MCM9: variants seen among roughly 807,000 people sequenced by gnomAD.
The protein encoded by MCM9 is DNA helicase MCM9.
Under a neutral mutation model 72.8 loss-of-function variants are expected in MCM9, and 55 were observed. That is an observed-to-expected ratio of 0.76 (90% CI 0.61 to 0.95). The LOEUF (loss-of-function observed/expected upper bound fraction) is 0.95, where lower values mean the gene tolerates loss of function less well. Among genes scored for constraint, MCM9 ranks in the 40% least tolerant of loss-of-function variants. The pLI is 0.00. For missense variants in MCM9, 1,279 were observed against 1,377.0 expected, an observed-to-expected ratio of 0.93 and a Z score of 1.13; for synonymous variants, 480 against 503.4, an observed-to-expected ratio of 0.95 and a Z score of 0.62.
chr6:118,932,174 G>A (rs1018348328), intron 2 of MCM9, among the ~76,000 whole-genome samples: 27 of 152,082 alleles, frequency 1.8e-4, no homozygotes, highest in African/African-American at 4.6e-4. Context: ...CAACAACTGC[G>A]AACAGTATTC....
At chr6:118,887,830 G>A (rs1002380645) in intron 8 of MCM9, among the ~76,000 whole-genome samples, 16 of 152,150 alleles carry the variant, frequency 1.1e-4, no homozygotes, top group African/African-American at 3.9e-4. Context: ...CTGGCATGGT[G>A]GCATGCTCCT....
intron 9 of MCM9, among the ~76,000 whole-genome samples, chr6:118,840,869 C>T (rs1583396446): frequency 6.6e-6 from 1 of 151,528 alleles, no homozygotes; most frequent in East Asian, 2.0e-4. Flanking sequence ...TCCTGTGTAG[C>T]TGAGACTACA....
intron 13 of MCM9, among the ~76,000 whole-genome samples, chr6:118,821,597 T>C (rs1261318888): frequency 1.3e-5 from 2 of 152,188 alleles, no homozygotes; most frequent in Non-Finnish European, 2.9e-5. Context: ...TGAGTATATG[T>C]CTTGGAGTTG....
At chr6:118,881,881 CTCT>C (rs1778308625) in intron 8 of MCM9, among the ~76,000 whole-genome samples, 2 of 152,204 alleles carry the variant, frequency 1.3e-5, no homozygotes, top group Admixed American at 6.5e-5. Flanking sequence ...CTCTCCCCTT[CTCT>C]TCTTGCTTAG....
At chr6:118,873,176 A>AGGGAG (rs1777714222) in intron 8 of MCM9, among the ~76,000 whole-genome samples, 1 of 64,396 alleles carries the variant, frequency 1.6e-5, no homozygotes, top group Admixed American at 2.0e-4. Flanking sequence ...GAAGGGAAGA[A>AGGGAG]GGGAGGGGAG....
At chr6:118,844,798 TTCTG>T (rs1352990282) in intron 9 of MCM9, among the ~76,000 whole-genome samples, 19 of 152,038 alleles carry the variant, frequency 1.2e-4, no homozygotes, top group East Asian at 7.7e-4. Flanking sequence ...GTCCAGACTG[TTCTG>T]TCTGTCTAAA....
Position 118,891,194 on chromosome 6 carries a change from T to C in MCM9, c.1150+20456A>G, listed in dbSNP as rs148097813. 6.5e-3 allele frequency among the ~76,000 whole-genome samples: 993 copies of C among 152,276 alleles called. 7 individuals carry two copies. The highest frequency in any genetic ancestry group is 0.022 in the African/African-American group (924 of 41,544). Reference sequence around the variant, plus strand: ...TTCAAGCTATATGCCCAGTGGTATATACTTCCTCTGAAGAATGGCAACAGC... The same window carrying C: ...TTCAAGCTATATGCCCAGTGGTATACACTTCCTCTGAAGAATGGCAACAGC... On this transcript the variant is annotated intron_variant, in intron 8 of 13. Coordinates refer to ENST00000619706, the MANE Select transcript of MCM9 (RefSeq NM_017696.3).
chr6:118,840,737 C>CG lies in MCM9; in HGVS notation c.1326-11488_1326-11487insC, dbSNP rs1394572133. Among the ~76,000 whole-genome samples the CG allele has an allele frequency of 2.1e-4, 22 of 104,270 alleles. No individual in the cohort carries two copies. The South Asian group carries it at 8.7e-3, about 41-fold the overall frequency. The allele number at this position is 104,270 out of a possible 152,430, so 68.4% of individuals were successfully genotyped here. The stretch of plus-strand genomic sequence containing the variant: ...TAGGTACATATATTCTCTCCTCCCC[C>CG]CCCCCTTTTTTTTTTTTTGAGACAG... On this transcript the variant is annotated intron_variant, in intron 9 of 13. Coordinates refer to ENST00000619706, the MANE Select transcript of MCM9 (RefSeq NM_017696.3).
At chr6:118,856,644 T>C in intron 8 of MCM9, 99 bp from the exon 9 acceptor site, 2 of 1,285,056 alleles carry the variant, frequency 1.6e-6, no homozygotes, top group South Asian at 1.5e-5. Flanking sequence ...TTTAGGAGGC[T>C]GAGGTGAGAA....
intron 9 of MCM9, among the ~76,000 whole-genome samples, chr6:118,852,252 G>A (rs962459567): frequency 1.1e-4 from 17 of 152,126 alleles, no homozygotes; most frequent in African/African-American, 3.6e-4. Context: ...TGGCAAAAAT[G>A]TTATGTGGCG....
At chr6:118,890,413 A>G (rs1236782422) in intron 8 of MCM9, among the ~76,000 whole-genome samples, 2 of 152,218 alleles carry the variant, frequency 1.3e-5, no homozygotes. Context: ...GTGAGGCTCA[A>G]AAACAGGTAT....
intron 8 of MCM9, among the ~76,000 whole-genome samples, chr6:118,899,653 A>G (rs1203466411): frequency 1.3e-5 from 2 of 152,228 alleles, no homozygotes; most frequent in Admixed American, 1.3e-4. Flanking sequence ...AGAGAAAATA[A>G]AAAAGGAGCT....
chr6:118,815,101 G>A lies in MCM9; in HGVS notation c.3155C>T (p.Ala1052Val), dbSNP rs1562395361. 2 of 1,550,708 alleles carry A rather than the reference G, an allele frequency of 1.3e-6. No individual in the cohort carries two copies. The highest frequency in any genetic ancestry group is 1.7e-6 in the Non-Finnish European group (2 of 1,147,008). The part of the protein sequence containing the change: ...SGSNKSGKVH[A>V]CTLARLANFC... ...GTTTGCCAATCTGGCTAATGTGCAG[G>A]CATGAACCTTGCCGCTTTTATTACT... Residue 1052 changes from alanine (A) to valine (V), a missense_variant, in exon 14 of 14, where the codon GCC becomes GTC. By Grantham distance (64) the Ala-to-Val change is moderately conservative. Transcript: ENST00000619706.
chr6:118,923,743 C>A, intron 4 of MCM9, 68 bp downstream of exon 4: 2 of 1,365,008 alleles, frequency 1.5e-6, no homozygotes, highest in Non-Finnish European at 2.0e-6. Context: ...TTCCCTAATC[C>A]TCCCAATGTG....
chr6:118,850,910 G>C (rs1039010145), intron 9 of MCM9, among the ~76,000 whole-genome samples: 1 of 151,764 alleles, frequency 6.6e-6, no homozygotes, highest in African/African-American at 2.4e-5. Context: ...TTGCAGCCTT[G>C]ACCTCCTGGG....
intron 8 of MCM9, among the ~76,000 whole-genome samples, chr6:118,872,827 A>G (rs1777690881): frequency 6.6e-6 from 1 of 152,046 alleles, no homozygotes; most frequent in South Asian, 2.1e-4. Context: ...CAAATGAAAT[A>G]CAAAGTAAGC....
intron 8 of MCM9, chr6:118,907,597 C>T: frequency 6.2e-7 from 1 of 1,613,366 alleles, no homozygotes. Flanking sequence ...GTTAGAATCC[C>T]ACATGGACTG....
At chr6:118,859,726 T>C (rs1352347613) in intron 8 of MCM9, among the ~76,000 whole-genome samples, 1 of 152,168 alleles carries the variant, frequency 6.6e-6, no homozygotes, top group Non-Finnish European at 1.5e-5. Context: ...AATCTACTCT[T>C]GCTTCTGGCA....
At chr6:118,833,016 G>A (rs1252651107) in intron 9 of MCM9, among the ~76,000 whole-genome samples, 1 of 152,118 alleles carries the variant, frequency 6.6e-6, no homozygotes, top group East Asian at 1.9e-4. Flanking sequence ...CCACTTTTAG[G>A]TCTGGCCCCT....
Sources: allele counts gnomAD v4.1 joint callset (sites outside exome capture counted in the v4.1 genomes callset), GRCh38; gene constraint gnomAD v4.1.1; transcripts MANE v1.5; gene names NCBI Gene and HGNC (gene_info 2026-07-23, HGNC 2026-07-21).